ALK: variants seen among roughly 807,000 people sequenced by gnomAD.
ALK encodes the protein ALK receptor tyrosine kinase.
In ALK, 74 loss-of-function variants were observed where a neutral mutation model predicts 163.1. That is an observed-to-expected ratio of 0.45 (90% CI 0.38 to 0.55). The LOEUF is 0.55. ALK is among the 20% of genes least tolerant of loss of function. The probability of loss-of-function intolerance (pLI) is 0.00; values close to 1 mark genes in which losing one functional copy is unlikely to be tolerated. For synonymous variants in ALK, 960 were observed against 843.2 expected, an observed-to-expected ratio of 1.14 and a Z score of -2.40; for missense variants, 2,063 against 2,105.3, an observed-to-expected ratio of 0.98 and a Z score of 0.39.
chr2:29,345,998 C>T (rs183836891), intron 5 of ALK, among the ~76,000 whole-genome samples: 1 of 152,290 alleles, frequency 6.6e-6, no homozygotes, highest in African/African-American at 2.4e-5. Context: ...GCTTTGAGCT[C>T]TCTTTTCTAA....
At chr2:29,516,281 C>T (rs1672661180) in intron 4 of ALK, among the ~76,000 whole-genome samples, 1 of 152,182 alleles carries the variant, frequency 6.6e-6, no homozygotes, top group South Asian at 2.1e-4. Context: ...CCTTTAGTCC[C>T]CCACACCTGT....
intron 1 of ALK, among the ~76,000 whole-genome samples, chr2:29,737,411 T>C (rs1340872666): frequency 6.6e-6 from 1 of 152,086 alleles, no homozygotes; most frequent in Non-Finnish European, 1.5e-5. Flanking sequence ...TTGGTGCTGA[T>C]TTTACATTTC....
intron 25 of ALK, among the ~76,000 whole-genome samples, chr2:29,208,530 C>CAGAGG (rs1281433188): frequency 2.0e-5 from 3 of 152,124 alleles, no homozygotes; most frequent in Non-Finnish European, 4.4e-5. Context: ...CGAAGTGGAG[C>CAGAGG]AGAGGAGAGG....
chr2:29,578,043 G>A (rs1674574633), intron 3 of ALK, among the ~76,000 whole-genome samples: 1 of 151,810 alleles, frequency 6.6e-6, no homozygotes, highest in Non-Finnish European at 1.5e-5. Flanking sequence ...GGGTTTGGCT[G>A]TGTCCCCACC....
At chr2:29,830,712 TTAAAAAAAAAAAAAAAAAAAAA>T (rs774183251) in intron 1 of ALK, among the ~76,000 whole-genome samples, 1,241 of 63,494 alleles carry the variant, frequency 0.02, 109 homozygotes, top group East Asian at 0.14. Context: ...CTAAAATAGT[TTAAAAAAAAAAAAAAAAAAAAA>T]AAAAAAAAAA....
At chr2:29,885,577 G>C (rs1220233545) in intron 1 of ALK, among the ~76,000 whole-genome samples, 1 of 150,332 alleles carries the variant, frequency 6.7e-6, no homozygotes, top group Non-Finnish European at 1.5e-5. Context: ...AAAAAAAAAG[G>C]GTGGAGAATG....
At chr2:29,755,074 T>G (rs1680476636) in intron 1 of ALK, among the ~76,000 whole-genome samples, 1 of 78,672 alleles carries the variant, frequency 1.3e-5, no homozygotes, top group Admixed American at 1.3e-4. Flanking sequence ...AACAGCAGCT[T>G]CTCTAAGGGT....
intron 1 of ALK, among the ~76,000 whole-genome samples, chr2:29,735,219 C>G (rs564744628): frequency 6.6e-6 from 1 of 151,558 alleles, no homozygotes; most frequent in Non-Finnish European, 1.5e-5. Flanking sequence ...TTGGATATAC[C>G]ATTCCCCTGT....
intron 1 of ALK, among the ~76,000 whole-genome samples, chr2:29,915,471 C>T (rs775694165): frequency 9.9e-5 from 15 of 152,164 alleles, no homozygotes; most frequent in Admixed American, 2.6e-4. Context: ...CTGCCCTCCT[C>T]GGCCTCCCAA....
chr2:29,770,851 TCACA>T (rs935104827), intron 1 of ALK, among the ~76,000 whole-genome samples: 9 of 151,322 alleles, frequency 5.9e-5, no homozygotes, highest in African/African-American at 1.9e-4. Context: ...AGACACACAG[TCACA>T]CACACAGTCT....
chr2:29,859,186 T>C (rs1011513832), intron 1 of ALK, among the ~76,000 whole-genome samples: 2 of 152,172 alleles, frequency 1.3e-5, no homozygotes, highest in African/African-American at 4.8e-5. Context: ...TTTGTCCCAC[T>C]GGAAGGGTTA....
At chr2:29,561,794 C>A (rs1262011090) in intron 3 of ALK, among the ~76,000 whole-genome samples, 1 of 152,180 alleles carries the variant, frequency 6.6e-6, no homozygotes, top group Non-Finnish European at 1.5e-5. Context: ...TTGTTCCCAA[C>A]CCTGGCTCCC....
At chr2:29,491,878 T>C (rs776789372) in intron 4 of ALK, among the ~76,000 whole-genome samples, 1 of 152,118 alleles carries the variant, frequency 6.6e-6, no homozygotes, top group Non-Finnish European at 1.5e-5. Context: ...CAAAACAAAT[T>C]TTTCTCAGGC....
chr2:29,617,901 C>G (rs1675901447), intron 3 of ALK, among the ~76,000 whole-genome samples: 1 of 152,166 alleles, frequency 6.6e-6, no homozygotes, highest in African/African-American at 2.4e-5. Flanking sequence ...TACCTAGTTC[C>G]TGGTTGGGAA....
At chr2:29,728,154 T>C (rs1044788168) in intron 1 of ALK, among the ~76,000 whole-genome samples, 3 of 152,214 alleles carry the variant, frequency 2.0e-5, no homozygotes, top group African/African-American at 7.2e-5. Context: ...AAACCAATAC[T>C]TCATGTGTGC....
At chr2:29,687,834 G>C (rs1035751567) in intron 3 of ALK, among the ~76,000 whole-genome samples, 3 of 152,030 alleles carry the variant, frequency 2.0e-5, no homozygotes, top group African/African-American at 7.2e-5. Flanking sequence ...CAATGTATAT[G>C]TGTAATTGTG....
chr2:29,894,138 A>ATTTCTTATAAT (rs1213148976), intron 1 of ALK, among the ~76,000 whole-genome samples: 13 of 152,322 alleles, frequency 8.5e-5, no homozygotes, highest in Admixed American at 7.2e-4. Context: ...GAAAATGATC[A>ATTTCTTATAAT]AGAAACCCAG....
At chr2:29,339,594 T>C (rs998855850) in intron 5 of ALK, among the ~76,000 whole-genome samples, 5 of 152,124 alleles carry the variant, frequency 3.3e-5, no homozygotes, top group African/African-American at 1.2e-4. Context: ...TCCGGAAGAA[T>C]GGATGGAGAG....
intron 3 of ALK, among the ~76,000 whole-genome samples, chr2:29,638,000 A>G (rs1452230472): frequency 7.7e-6 from 1 of 129,398 alleles, no homozygotes; most frequent in East Asian, 2.4e-4. Flanking sequence ...AAATCAATGT[A>G]TATGTCAATG....
Sources: allele counts gnomAD v4.1 joint callset (sites outside exome capture counted in the v4.1 genomes callset), GRCh38; gene constraint gnomAD v4.1.1; transcripts MANE v1.5; gene names NCBI Gene and HGNC (gene_info 2026-07-23, HGNC 2026-07-21).